The following NTN1 variants were observed in gnomAD, a reference collection of about 807,000 sequenced individuals.
NTN1 encodes netrin 1.
Under a neutral mutation model 54.2 loss-of-function variants are expected in NTN1, and 11 were observed. That is an observed-to-expected ratio of 0.20 (90% confidence interval 0.13 to 0.34). NTN1 has a LOEUF of 0.34. Among genes scored for constraint, NTN1 ranks in the 10% least tolerant of loss-of-function variants. NTN1 has a pLI of 1.00. For synonymous variants in NTN1, 371 were observed against 382.0 expected (o/e 0.97, Z 0.33); for missense variants, 740 against 893.1 (o/e 0.83, Z 2.18).
At chr17:9,183,617 C>G (rs2092425493) in intron 5 of NTN1, 1 of 253,754 alleles carries the variant, frequency 3.9e-6, no homozygotes, top group South Asian at 4.3e-5. Flanking sequence ...GTTACTAGAC[C>G]TGCTGCTAGA....
chr17:9,063,587 T>G lies in NTN1; in HGVS notation c.1018+40196T>G, dbSNP rs2092005599. ...TTTTTGGTGACAGAGTCTTGCTGTC[T>G]CCCAGGCCGGAGTGCAGTGGCGCAA... is the stretch of plus-strand genomic sequence containing the variant. On this transcript the variant is annotated intron_variant, in intron 2 of 6. Coordinates refer to ENST00000173229, the MANE Select transcript of NTN1 (RefSeq NM_004822.3). 3.3e-5 allele frequency among the ~76,000 whole-genome samples: 5 copies of G among 149,874 alleles called. No homozygotes were observed. The South Asian group carries it at 1.1e-3, about 32-fold the overall frequency.
chr17:9,165,228 G>A lies in NTN1; in HGVS notation c.1207+2227G>A, dbSNP rs2092370289. Reference sequence around the variant, plus strand: ...AAATGTATGTTTCCCAGAGAGGCAAGAAGGGGCAGGGCCCTGGTCACCTCC... The same window carrying A: ...AAATGTATGTTTCCCAGAGAGGCAAAAAGGGGCAGGGCCCTGGTCACCTCC... On this transcript the variant is annotated intron_variant, in intron 3 of 6. Transcript: ENST00000173229. The surrounding 1 kb of genome is among the most constrained non-coding windows in gnomAD (Gnocchi z 4.5). Among the ~76,000 whole-genome samples the A allele has an allele frequency of 6.6e-6, 1 of 151,402 alleles. No homozygotes were observed. Among genetic ancestry groups the A allele is most frequent in the South Asian group, 2.1e-4 (1 of 4,782 alleles).
chr17:9,180,191 T>C lies in NTN1; in HGVS notation c.1357+235T>C, dbSNP rs531726088. Among the ~76,000 whole-genome samples, 37 of 152,376 alleles carry C rather than the reference T, an allele frequency of 2.4e-4. No homozygotes were observed. The South Asian group carries it at 4.6e-3, about 19-fold the overall frequency. ...GTAGCTGGAATTACAGGCGCAAGCC[T>C]TCATGCCCCGCTGATTTTTGTCTTT... is the stretch of plus-strand genomic sequence containing the variant. On this transcript the variant is annotated intron_variant, in intron 4 of 6. Transcript: ENST00000173229.
chr17:9,105,541 CATGATATTATCCCTGGCT>C (rs1314530840), intron 2 of NTN1, among the ~76,000 whole-genome samples: 2 of 152,188 alleles, frequency 1.3e-5, no homozygotes, highest in Non-Finnish European at 2.9e-5. Flanking sequence ...CTTCAGTGTT[CATGATATTATCCCTGGCT>C]CCTGTGGGGA....
At chr17:9,004,442 C>T in the NTN1 span, among the ~76,000 whole-genome samples, 1 of 152,264 alleles carries the variant, frequency 6.6e-6, no homozygotes, top group East Asian at 1.9e-4. Flanking sequence ...TCGGGTCCGC[C>T]TGGGGACATC....
intron 2 of NTN1, among the ~76,000 whole-genome samples, chr17:9,081,345 G>A (rs2092070468): frequency 6.6e-6 from 1 of 152,058 alleles, no homozygotes; most frequent in Admixed American, 6.5e-5. Flanking sequence ...CTTCCTCTGT[G>A]GTTATCTCTG....
rs557417651 is a variant in NTN1, at chr17:9,080,812, G to T, written c.1018+57421G>T. 2.6e-5 allele frequency among the ~76,000 whole-genome samples: 4 copies of T among 152,350 alleles called. 1 individual carries two copies. In the South Asian group the frequency reaches 8.3e-4, roughly 32 times the overall value. On this transcript the variant is annotated intron_variant, in intron 2 of 6. Transcript: ENST00000173229. ...CTCCATAAAAACTCAGAAGGACAGC[G>T]TTTGGAGAGCTTCTGATAGCTGATC...
intron 3 of NTN1, chr17:9,174,920 T>C (rs1158352209): frequency 6.5e-6 from 1 of 152,778 alleles, no homozygotes; most frequent in Admixed American, 6.5e-5. Context: ...TCCCCTGTCC[T>C]ACCTGAAGCT....
At chr17:9,071,614 G>T (rs1042246985) in intron 2 of NTN1, among the ~76,000 whole-genome samples, 2 of 152,240 alleles carry the variant, frequency 1.3e-5, no homozygotes, top group Admixed American at 1.3e-4. Flanking sequence ...CCTGGGGCCA[G>T]TCCTACAGCT....
At chr17:9,175,913 T>G (rs2092398841) in intron 3 of NTN1, 1 of 152,208 alleles carries the variant, frequency 6.6e-6, no homozygotes, top group Admixed American at 6.5e-5. Flanking sequence ...GCCTGCTCCT[T>G]GCACACGGGG....
At chr17:9,111,537 T>C (rs756710253) in intron 2 of NTN1, among the ~76,000 whole-genome samples, 6 of 152,104 alleles carry the variant, frequency 3.9e-5, no homozygotes, top group Non-Finnish European at 4.4e-5. Context: ...GCAATGCAGC[T>C]GATTCTTAAA....
chr17:9,003,908 C>T, the NTN1 span, among the ~76,000 whole-genome samples: 4 of 152,206 alleles, frequency 2.6e-5, no homozygotes, highest in Non-Finnish European at 4.4e-5. The surrounding 1 kb of genome is among the most constrained non-coding windows in gnomAD (Gnocchi z 7.4). Flanking sequence ...GCTCCTCTGG[C>T]CATTTCCATA....
At chr17:9,105,917 A>G (rs1364473533) in intron 2 of NTN1, among the ~76,000 whole-genome samples, 1 of 152,052 alleles carries the variant, frequency 6.6e-6, no homozygotes, top group African/African-American at 2.4e-5. Flanking sequence ...TCCGATTTAA[A>G]AAAAAAAAGA....
intron 2 of NTN1, among the ~76,000 whole-genome samples, chr17:9,081,481 C>G (rs2092070931): frequency 6.6e-6 from 1 of 152,220 alleles, no homozygotes; most frequent in South Asian, 2.1e-4. Flanking sequence ...CACCAACACC[C>G]AAGCTCTGTT....
chr17:9,223,668 CCT>C (rs1905441292), intron 6 of NTN1, among the ~76,000 whole-genome samples: 1 of 152,226 alleles, frequency 6.6e-6, no homozygotes, highest in Non-Finnish European at 1.5e-5. Context: ...ATGGGGCAGG[CCT>C]CTCTCCACTC....
chr17:9,076,829 C>CT (rs1274084363), intron 2 of NTN1, among the ~76,000 whole-genome samples: 1 of 152,168 alleles, frequency 6.6e-6, no homozygotes, highest in African/African-American at 2.4e-5. Context: ...TTTTTAACTC[C>CT]TGTGTGACTT....
chr17:9,010,918 A>G, the NTN1 span, among the ~76,000 whole-genome samples: 1 of 152,116 alleles, frequency 6.6e-6, no homozygotes, highest in Non-Finnish European at 1.5e-5. Context: ...TGAGATAATT[A>G]TACAATTCAC....
chr17:9,196,608 C>T (rs1178859130), intron 5 of NTN1, among the ~76,000 whole-genome samples: 1 of 152,238 alleles, frequency 6.6e-6, no homozygotes, highest in East Asian at 1.9e-4. Flanking sequence ...GGCAGGGCTT[C>T]AGGCTTCAGT....
chr17:9,105,660 TTCTCTC>T (rs72039051), intron 2 of NTN1, among the ~76,000 whole-genome samples: 7 of 142,000 alleles, frequency 4.9e-5, no homozygotes, highest in South Asian at 4.3e-4. Flanking sequence ...CTCTCTCTCT[TTCTCTC>T]TCTCTCTCTC....
Sources: gnomAD v4.1 joint callset for allele counts (sites outside exome capture counted in the v4.1 genomes callset) on GRCh38, gnomAD v4.1.1 for gene constraint, Gnocchi (gnomAD v3.1) non-coding constraint, MANE v1.5 for transcripts, NCBI Gene and HGNC (gene_info 2026-07-23, HGNC 2026-07-21) for gene names.